The following EIPR1 variants were observed in gnomAD, a reference collection of about 807,000 sequenced individuals.
EIPR1 encodes the protein EARP and GARP complex-interacting protein 1.
In EIPR1, 25 loss-of-function variants were observed where a neutral mutation model predicts 48.1. The observed-to-expected ratio is 0.52, with a 90% confidence interval of 0.38 to 0.73. The LOEUF (loss-of-function observed/expected upper bound fraction) is 0.73, where lower values mean the gene tolerates loss of function less well. Among genes scored for constraint, EIPR1 ranks in the 30% least tolerant of loss-of-function variants. EIPR1 has a pLI of 0.00. For missense variants in EIPR1, 415 were observed against 506.2 expected (o/e 0.82, Z 1.73); for synonymous variants, 204 against 201.9 (o/e 1.01, Z -0.09).
chr2:3,206,116 G>C (rs1665226422), intron 5 of EIPR1, among the ~76,000 whole-genome samples: 1 of 152,168 alleles, frequency 6.6e-6, no homozygotes, highest in African/African-American at 2.4e-5. Flanking sequence ...AGAAGAAAAA[G>C]AAAAGGAAGA....
intron 4 of EIPR1, among the ~76,000 whole-genome samples, chr2:3,256,458 C>T (rs1434447557): frequency 1.3e-5 from 2 of 152,152 alleles, no homozygotes. Flanking sequence ...ACCTTGGTGT[C>T]CCTGGAGCCT....
chr2:3,310,049 T>G (rs541448593), intron 3 of EIPR1, among the ~76,000 whole-genome samples: 5 of 152,182 alleles, frequency 3.3e-5, no homozygotes, highest in South Asian at 2.1e-4. Flanking sequence ...ACACAGCCAC[T>G]ACCCCACACA....
chr2:3,194,248 TC>T, intron 6 of EIPR1, 82 bp from the exon 7 acceptor site: 1 of 1,541,996 alleles, frequency 6.5e-7, no homozygotes, highest in East Asian at 2.3e-5. Flanking sequence ...CACACTGGTT[TC>T]CCGGGACCCT....
intron 5 of EIPR1, among the ~76,000 whole-genome samples, chr2:3,202,227 G>A (rs113140336): frequency 0.022 from 3,395 of 152,308 alleles, 100 homozygotes; most frequent in African/African-American, 0.065. Context: ...GTGAGCCACC[G>A]CACCCGGCCT....
intron 4 of EIPR1, among the ~76,000 whole-genome samples, chr2:3,234,478 G>T (rs1253059454): frequency 6.6e-6 from 1 of 152,056 alleles, no homozygotes; most frequent in Admixed American, 6.5e-5. Flanking sequence ...CGGCAGCCAG[G>T]GCCCTGTGTC....
chr2:3,242,570 C>T (rs890249693), intron 4 of EIPR1, among the ~76,000 whole-genome samples: 7 of 151,532 alleles, frequency 4.6e-5, no homozygotes, highest in Non-Finnish European at 7.4e-5. Flanking sequence ...ACACCACACA[C>T]CAGGCAGCAG....
At chr2:3,190,920 G>A (rs1313794875) in intron 8 of EIPR1, among the ~76,000 whole-genome samples, 2 of 151,354 alleles carry the variant, frequency 1.3e-5, no homozygotes, top group African/African-American at 2.4e-5. Context: ...TGGGCAACAT[G>A]GCAAAACTCT....
At chr2:3,218,916 C>T (rs1389674458) in intron 4 of EIPR1, among the ~76,000 whole-genome samples, 858 of 58,666 alleles carry the variant, frequency 0.015, 1 homozygote, top group Middle Eastern at 0.12. Context: ...AACACGGCCC[C>T]GATACGCTCT....
At chr2:3,233,177 T>C (rs72763776) in intron 4 of EIPR1, among the ~76,000 whole-genome samples, 10,896 of 152,238 alleles carry the variant, frequency 0.072, 649 homozygotes, top group Admixed American at 0.19. Context: ...TACAAACATG[T>C]GATCAGGCTA....
At chr2:3,374,684 C>A (rs1212834422) in intron 1 of EIPR1, among the ~76,000 whole-genome samples, 1 of 149,146 alleles carries the variant, frequency 6.7e-6, no homozygotes, top group Admixed American at 6.7e-5. Context: ...AATGAGATAC[C>A]ATCTCACACC....
At chr2:3,200,353 T>A (rs1319253819) in intron 5 of EIPR1, among the ~76,000 whole-genome samples, 1 of 152,172 alleles carries the variant, frequency 6.6e-6, no homozygotes, top group African/African-American at 2.4e-5. Flanking sequence ...TCAAAGGATG[T>A]CTCCTTAGGA....
chr2:3,197,092 G>A (rs1309707034), intron 5 of EIPR1, 75 bp from the exon 6 acceptor site: 3 of 1,518,382 alleles, frequency 2.0e-6, no homozygotes, highest in Non-Finnish European at 2.7e-6. Context: ...AAACGCGAGA[G>A]GATATCGTAT....
At chr2:3,214,086 G>A (rs1665545288) in intron 5 of EIPR1, 63 bp downstream of exon 5, 1 of 1,468,172 alleles carries the variant, frequency 6.8e-7, no homozygotes, top group Non-Finnish European at 9.4e-7. Context: ...ACCTATGAGT[G>A]AGAACATGCG....
Position 3,263,045 on chromosome 2 carries a change from G to A in EIPR1, c.260-5590C>T, listed in dbSNP as rs547269387. 7.9e-5 allele frequency among the ~76,000 whole-genome samples: 12 copies of A among 152,366 alleles called. No individual in the cohort carries two copies. The East Asian group carries it at 2.3e-3, about 29-fold the overall frequency. On this transcript the variant is annotated intron_variant, in intron 3 of 8. Coordinates refer to ENST00000382125, the MANE Select transcript of EIPR1 (RefSeq NM_003310.5). Reference sequence around the variant, plus strand: ...GCCATGTGGGAGTCCTGTACTTTTAGCTGAAGAAGGAGAAGAGATCTGAGC... The same window carrying A: ...GCCATGTGGGAGTCCTGTACTTTTAACTGAAGAAGGAGAAGAGATCTGAGC...
At chr2:3,281,267 C>G (rs1435521449) in intron 3 of EIPR1, among the ~76,000 whole-genome samples, 1 of 151,932 alleles carries the variant, frequency 6.6e-6, no homozygotes, top group East Asian at 1.9e-4. Flanking sequence ...CTGGGACCTG[C>G]CCTCCTTCTC....
intron 1 of EIPR1, among the ~76,000 whole-genome samples, chr2:3,373,420 A>T (rs562370602): frequency 6.6e-6 from 1 of 152,328 alleles, no homozygotes; most frequent in East Asian, 1.9e-4. Context: ...TTCGATTAGG[A>T]AAAGAGGAAG....
At chr2:3,221,053 G>C in intron 4 of EIPR1, among the ~76,000 whole-genome samples, 1 of 21,896 alleles carries the variant, frequency 4.6e-5, no homozygotes, top group Non-Finnish European at 1.1e-4. Flanking sequence ...CTCACAGTGA[G>C]TCGGGAACAC....
intron 4 of EIPR1, among the ~76,000 whole-genome samples, chr2:3,238,840 G>T (rs1174451462): frequency 6.6e-6 from 1 of 152,224 alleles, no homozygotes; most frequent in Non-Finnish European, 1.5e-5. Context: ...GGCAAGGACA[G>T]CGGGCCCTCC....
chr2:3,353,438 T>G (rs1670639014), intron 2 of EIPR1: 1 of 392,778 alleles, frequency 2.5e-6, no homozygotes, highest in Non-Finnish European at 5.1e-6. Context: ...TCATGTTTCT[T>G]AGGAGTCTAT....
Sources: gnomAD v4.1 joint callset for allele counts (sites outside exome capture counted in the v4.1 genomes callset) on GRCh38, gnomAD v4.1.1 for gene constraint, MANE v1.5 for transcripts, NCBI Gene and HGNC (gene_info 2026-07-23, HGNC 2026-07-21) for gene names.